The following SSX5 variants were observed in gnomAD, a reference collection of about 807,000 sequenced individuals.
SSX5 encodes the protein SSX family member 5, also known as protein SSX5.
A neutral mutation model predicts 14.9 loss-of-function variants in SSX5; 14 were observed. That is an observed-to-expected ratio of 0.94 (90% CI 0.62 to 1.47). The LOEUF (loss-of-function observed/expected upper bound fraction) is 1.47. SSX5 is among the 40% of genes most tolerant of loss of function. SSX5 has a pLI of 0.00. For missense variants in SSX5, 204 were observed against 154.6 expected (o/e 1.32, Z -1.70); for synonymous variants, 70 against 55.4 (o/e 1.26, Z -1.17).
chrX:48,194,858 GAAAA>G lies in SSX5; in HGVS notation c.70-8_70-5del. 3 of 910,280 alleles carry G rather than the reference GAAAA, an allele frequency of 3.3e-6. No homozygotes were observed. Among genetic ancestry groups the G allele is most frequent in the Non-Finnish European group, 4.5e-6 (3 of 671,996 alleles). 75.0% of individuals were successfully genotyped at this position (910,280 alleles called of 1,213,427 possible). On this transcript the variant is annotated splice_region_variant and splice_polypyrimidine_tract_variant and intron_variant, in intron 2 of 7. Coordinates refer to ENST00000347757, the MANE Select transcript of SSX5 (RefSeq NM_175723.2). ...ATTTGGCAATATCATCGAAGGCCTA[GAAAA>G]AAAAAAAGGATTTCTGATAGTGACT...
chrX:48,189,503 A>C (rs1479442521), intron 6 of SSX5, among the ~76,000 whole-genome samples: 1 of 112,432 alleles, frequency 8.9e-6, no homozygotes, highest in Non-Finnish European at 1.9e-5. Context: ...CTCCACCAGC[A>C]AAAAGAGTGT....
Position 48,190,158 on chromosome X carries a change from G to A in SSX5, c.441C>T (p.Thr147=), listed in dbSNP as rs782063279. ...CAGATGTCTTGTTAACCTTCTCAGA[G>A]GTATTTAGTTTTCCTGAGGGGCGCA... The part of the protein sequence containing the change: ...KQLRPSGKLN[T]SEKVNKTSGP... Residue 147 remains threonine, a synonymous_variant, in exon 6 of 8, where the codon ACC becomes ACT. Transcript: ENST00000347757. The A allele has an allele frequency of 8.3e-7, 1 of 1,210,639 alleles. No homozygotes were observed. Among genetic ancestry groups the A allele is most frequent in the African/African-American group, 1.7e-5 (1 of 57,676 alleles).
At chrX:48,193,717 C>A (rs1556925224) in intron 4 of SSX5, among the ~76,000 whole-genome samples, 2 of 110,225 alleles carry the variant, frequency 1.8e-5, no homozygotes, top group African/African-American at 6.6e-5. Flanking sequence ...TTACTGCACT[C>A]CACCCTGGCC....
At chrX:48,191,602 T>C (rs2059420447) in intron 5 of SSX5, among the ~76,000 whole-genome samples, 1 of 105,941 alleles carries the variant, frequency 9.4e-6, no homozygotes, top group Non-Finnish European at 1.9e-5. Context: ...TGGTCCTTCC[T>C]GTTGTGAGAG....
Position 48,194,912 on chromosome X carries a change from C to G in SSX5, c.70-58G>C, listed in dbSNP as rs1287319551. The G allele has an allele frequency of 1.3e-5, 16 of 1,204,131 alleles. No homozygotes were observed. In the East Asian group the frequency reaches 4.7e-4, roughly 36 times the overall value. The stretch of plus-strand genomic sequence containing the variant: ...TCAGCTAGGCATGTCTGCCATTCAG[C>G]TGGAGCCGCTTCCTGTGTGCTGGAT... On this transcript the variant is annotated intron_variant, in intron 2 of 7. Coordinates refer to ENST00000347757, the MANE Select transcript of SSX5 (RefSeq NM_175723.2).
chrX:48,196,116 G>T (rs148475616), intron 1 of SSX5, among the ~76,000 whole-genome samples: 301 of 109,810 alleles, frequency 2.7e-3, no homozygotes, highest in African/African-American at 9.2e-3. Context: ...CAAAACTCTC[G>T]TGTCTACAAA....
chrX:48,194,642 A>G, intron 3 of SSX5, 98 bp downstream of exon 3: 1 of 976,272 alleles, frequency 1.0e-6, no homozygotes, highest in Non-Finnish European at 1.4e-6. Context: ...GCACAAAAGG[A>G]AAACGTGGGG....
At chrX:48,192,402 T>C in intron 4 of SSX5, 121 bp from the exon 5 acceptor site, 1 of 1,034,479 alleles carries the variant, frequency 9.7e-7, no homozygotes, top group East Asian at 3.0e-5. Flanking sequence ...GTTGAGGAGT[T>C]ATTTGAGATT....
chrX:48,194,657 T>A, intron 3 of SSX5, 83 bp downstream of exon 3: 1 of 1,049,578 alleles, frequency 9.5e-7, no homozygotes, highest in Non-Finnish European at 1.3e-6. Context: ...GTGGGGTACT[T>A]TCTGCAGCCT....
intron 1 of SSX5, among the ~76,000 whole-genome samples, chrX:48,196,222 T>C (rs372983860): frequency 3.0e-4 from 33 of 111,017 alleles, no homozygotes; most frequent in African/African-American, 1.0e-3. Flanking sequence ...CCCAGGAGCT[T>C]GAGACCAGCC....
chrX:48,191,837 C>T (rs2059421312), intron 5 of SSX5, among the ~76,000 whole-genome samples: 1 of 112,072 alleles, frequency 8.9e-6, no homozygotes, highest in South Asian at 3.7e-4. Flanking sequence ...AAAACATGAA[C>T]TATGATTCTT....
At position 48,194,350 on chromosome X, in the gene SSX5, G is replaced by A. The variant is rs1274168579; in HGVS notation, c.185-126C>T. ...GATTGCTTGAGGCCAGGAGTTTGAG[G>A]CTGCAGTGAGCTATGATTGCACTAC... On this transcript the variant is annotated intron_variant, in intron 3 of 7. Transcript: ENST00000347757. 1.7e-5 allele frequency: 12 copies of A among 699,459 alleles called. No homozygotes were observed. In the Admixed American group the frequency reaches 1.7e-4, roughly 10 times the overall value. The allele number at this position is 699,459 out of a possible 1,213,427, so 57.6% of individuals were successfully genotyped here.
intron 3 of SSX5, 78 bp downstream of exon 3, chrX:48,194,662 C>A: frequency 1.9e-6 from 2 of 1,063,557 alleles, no homozygotes; most frequent in Admixed American, 2.8e-5. Flanking sequence ...GTACTTTCTG[C>A]AGCCTAAGAA....
At position 48,194,977 on chromosome X, in the gene SSX5, T is replaced by C. The variant is rs782372797; in HGVS notation, c.70-123A>G. Reference sequence around the variant, plus strand: ...TGATAATCCGTCCTGGTTGATGCCATGGCTAACTGACAGAACATGGGGCAC... The same window carrying C: ...TGATAATCCGTCCTGGTTGATGCCACGGCTAACTGACAGAACATGGGGCAC... On this transcript the variant is annotated intron_variant, in intron 2 of 7. Transcript: ENST00000347757. 11 of 1,209,983 alleles carry C rather than the reference T, an allele frequency of 9.1e-6. No individual in the cohort carries two copies. The South Asian group carries it at 1.9e-4, about 21-fold the overall frequency.
In SSX5 at chrX:48,195,392, A is replaced by T. The variant is rs1556925666; in HGVS notation, c.-20-14T>A. ...GAGCACTCTGTCCTACAAGAGAAAC[A>T]GTCTGAGTCTTTCCAGCTGCAGGAC... On this transcript the variant is annotated splice_polypyrimidine_tract_variant and intron_variant, in intron 1 of 7. Coordinates refer to ENST00000347757, the MANE Select transcript of SSX5 (RefSeq NM_175723.2). 8 of 1,196,940 alleles carry T rather than the reference A, an allele frequency of 6.7e-6. No homozygotes were observed. In the African/African-American group the frequency reaches 1.1e-4, roughly 16 times the overall value.
In SSX5 at chrX:48,194,116, C is replaced by T; in HGVS notation, c.280+13G>A. 6 of 1,205,545 alleles carry T rather than the reference C, an allele frequency of 5.0e-6. No homozygotes were observed. The South Asian group carries it at 1.1e-4, about 21-fold the overall frequency. On this transcript the variant is annotated intron_variant, in intron 4 of 7. Coordinates refer to ENST00000347757, the MANE Select transcript of SSX5 (RefSeq NM_175723.2). ...TTGAGGAGACCCTTTCCAGCCCCTTCCCATCTACTCACCCTGATTCCCACG... is the reference window on the plus strand; with the variant it reads ...TTGAGGAGACCCTTTCCAGCCCCTTTCCATCTACTCACCCTGATTCCCACG...
Position 48,194,728 on chromosome X carries a change from A to G in SSX5, c.184+12T>C. ...TATCCCCAGACTGTCTGTACCTAGA[A>G]CTTTCTGTTACCTAGTTTAGTCATG... On this transcript the variant is annotated intron_variant, in intron 3 of 7. Transcript: ENST00000347757. 1 of 1,195,963 alleles carries G rather than the reference A, an allele frequency of 8.4e-7. No homozygotes were observed. The highest frequency in any genetic ancestry group is 1.1e-6 in the Non-Finnish European group (1 of 884,288).
At chrX:48,194,292 T>C in intron 3 of SSX5, 68 bp from the exon 4 acceptor site, 1 of 1,088,864 alleles carries the variant, frequency 9.2e-7, no homozygotes, top group Non-Finnish European at 1.3e-6. Context: ...CTCATGTCTG[T>C]AGTAGCAGCT....
In SSX5 at chrX:48,194,800, C is replaced by A. The variant is rs376667558; in HGVS notation, c.124G>T (p.Ala42Ser). 1.9e-5 allele frequency: 23 copies of A among 1,208,540 alleles called. No homozygotes were observed. Among genetic ancestry groups the A allele is most frequent in the South Asian group, 3.5e-5 (2 of 56,571 alleles). The change falls in exon 3 of 8, where the codon GCC (alanine) becomes TCC (serine). Residue 42 changes from alanine to serine, a missense_variant. Transcript: ENST00000347757. The stretch of plus-strand genomic sequence containing the variant: ...TACACATAGATGATTTTCTCCGAGG[C>A]TTTCATCTTTTCCCACTCTTTCTCA... Reference protein sequence around the residue: ...FSEKEWEKMKASEKIIYVYMK... With the variant: ...FSEKEWEKMKSSEKIIYVYMK...
Sources: gnomAD v4.1 joint callset for allele counts (sites outside exome capture counted in the v4.1 genomes callset) on GRCh38, gnomAD v4.1.1 for gene constraint, MANE v1.5 for transcripts, NCBI Gene and HGNC (gene_info 2026-07-23, HGNC 2026-07-21) for gene names.